Variants in ADIPOR2 observed in about 807,000 individuals in gnomAD.
ADIPOR2 encodes the protein adiponectin receptor protein 2.
A neutral mutation model predicts 40.9 loss-of-function variants in ADIPOR2; 18 were observed. The ratio of observed to expected loss-of-function variants is 0.44; its 90% CI spans 0.30 to 0.65. The LOEUF is 0.65. Among genes scored for constraint, ADIPOR2 ranks in the 30% least tolerant of loss-of-function variants. ADIPOR2 has a pLI of 0.09. For synonymous variants in ADIPOR2, 165 were observed against 166.4 expected (o/e 0.99, Z 0.06); for missense variants, 283 against 479.2 (o/e 0.59, Z 3.82).
intron 1 of ADIPOR2, among the ~76,000 whole-genome samples, chr12:1,726,376 T>G (rs2094708023): frequency 6.6e-6 from 1 of 152,262 alleles, no homozygotes; most frequent in South Asian, 2.1e-4. Flanking sequence ...TTTTGTATTT[T>G]TAGTAGAGAC....
intron 1 of ADIPOR2, among the ~76,000 whole-genome samples, chr12:1,754,052 A>G (rs1195262780): frequency 6.6e-6 from 1 of 152,224 alleles, no homozygotes; most frequent in Non-Finnish European, 1.5e-5. Flanking sequence ...AAGTGGGAAC[A>G]TATTATTCAT....
At chr12:1,748,329 A>G (rs1246769926) in intron 1 of ADIPOR2, among the ~76,000 whole-genome samples, 13 of 151,910 alleles carry the variant, frequency 8.6e-5, no homozygotes, top group Non-Finnish European at 1.8e-4. Flanking sequence ...GCTCACTGCA[A>G]ACTCCGCCTC....
chr12:1,692,679 T>C (rs981978627), intron 1 of ADIPOR2, among the ~76,000 whole-genome samples: 1 of 152,154 alleles, frequency 6.6e-6, no homozygotes, highest in African/African-American at 2.4e-5. Context: ...CTTGTATGAA[T>C]TTATAAATAA....
chr12:1,728,440 C>G (rs903603470), intron 1 of ADIPOR2, among the ~76,000 whole-genome samples: 1 of 150,864 alleles, frequency 6.6e-6, no homozygotes, highest in Non-Finnish European at 1.5e-5. Context: ...AATGTTAACA[C>G]GGCTGGGCGC....
At chr12:1,719,849 A>AT (rs1565636473) in intron 1 of ADIPOR2, among the ~76,000 whole-genome samples, 28 of 151,568 alleles carry the variant, frequency 1.8e-4, no homozygotes, top group South Asian at 4.2e-4. Context: ...TAATTGTTAT[A>AT]GTTTTTTAGC....
rs1284941643 is a variant in ADIPOR2, at chr12:1,714,266, A to T, written c.-87+23075A>T. Among the ~76,000 whole-genome samples the T allele has an allele frequency of 2.0e-5, 3 of 152,072 alleles. No individual in the cohort carries two copies. The East Asian group carries it at 5.8e-4, about 29-fold the overall frequency. The stretch of plus-strand genomic sequence containing the variant: ...GTCTGAGGGCCATGACTAAGGCTGT[A>T]GCCTTTCTCTTATCTCACTTTTCCT... On this transcript the variant is annotated intron_variant, in intron 1 of 7. Coordinates refer to ENST00000357103, the MANE Select transcript of ADIPOR2 (RefSeq NM_024551.3).
chr12:1,714,320 G>T (rs1477450333), intron 1 of ADIPOR2, among the ~76,000 whole-genome samples: 1 of 151,982 alleles, frequency 6.6e-6, no homozygotes. Context: ...GATCCCTACT[G>T]TAGAACACGG....
chr12:1,767,983 T>C (rs1862419300), intron 2 of ADIPOR2, among the ~76,000 whole-genome samples: 1 of 152,236 alleles, frequency 6.6e-6, no homozygotes, highest in African/African-American at 2.4e-5. Flanking sequence ...TTTGCATTCT[T>C]ACCTTCCTGG....
At position 1,786,572 on chromosome 12, in the gene ADIPOR2, T is replaced by A. The variant is rs1210484484; in HGVS notation, c.*500T>A. On this transcript the variant is annotated 3_prime_UTR_variant, in exon 8 of 8. Coordinates refer to ENST00000357103, the MANE Select transcript of ADIPOR2 (RefSeq NM_024551.3). ...TAAATAAGATTTCTAACTGTTTAAA[T>A]AAGACTTTATATAAATGTTTAAAAC... is the stretch of plus-strand genomic sequence containing the variant. The A allele has an allele frequency of 1.3e-5, 2 of 153,740 alleles. No homozygotes were observed. The highest frequency in any genetic ancestry group is 2.9e-5 in the Non-Finnish European group (2 of 68,804). 9.5% of individuals were successfully genotyped at this position (153,740 alleles called of 1,614,324 possible).
At chr12:1,764,277 C>CT (rs1862328803) in intron 2 of ADIPOR2, among the ~76,000 whole-genome samples, 1 of 152,042 alleles carries the variant, frequency 6.6e-6, no homozygotes, top group Admixed American at 6.5e-5. Context: ...TCATAGTTTA[C>CT]TTTTTTCATA....
chr12:1,765,553 TAAA>T (rs1336521301), intron 2 of ADIPOR2, among the ~76,000 whole-genome samples: 4 of 152,216 alleles, frequency 2.6e-5, no homozygotes, highest in African/African-American at 9.6e-5. Context: ...TAGTGTATAA[TAAA>T]TAATAATTGT....
In ADIPOR2 at chr12:1,754,326, G is replaced by A; in HGVS notation, c.-18G>A. 3 of 1,569,468 alleles carry A rather than the reference G, an allele frequency of 1.9e-6. No individual in the cohort carries two copies. Among genetic ancestry groups the A allele is most frequent in the Non-Finnish European group, 2.6e-6 (3 of 1,159,176 alleles). On this transcript the variant is annotated 5_prime_UTR_variant, in exon 2 of 8. Transcript: ENST00000357103. ...GACAGAAAGACAGATCTATTTGTAAGAAAGGCTTGGGTATCCCATGAACGA... is the reference window on the plus strand; with the variant it reads ...GACAGAAAGACAGATCTATTTGTAAAAAAGGCTTGGGTATCCCATGAACGA...
intron 1 of ADIPOR2, among the ~76,000 whole-genome samples, chr12:1,717,419 C>T (rs562638340): frequency 6.6e-6 from 1 of 152,242 alleles, no homozygotes; most frequent in African/African-American, 2.4e-5. Context: ...TAAAATTTCA[C>T]TGAGCCACCG....
intron 1 of ADIPOR2, among the ~76,000 whole-genome samples, chr12:1,736,587 A>G (rs2094731262): frequency 6.6e-6 from 1 of 152,166 alleles, no homozygotes; most frequent in Non-Finnish European, 1.5e-5. Context: ...AATTTTTTGA[A>G]GGGTTTTTTT....
chr12:1,694,748 TTTGTGTGCATATACAAGTAA>T (rs2154441091), intron 1 of ADIPOR2, among the ~76,000 whole-genome samples: 1 of 152,350 alleles, frequency 6.6e-6, no homozygotes, highest in Non-Finnish European at 1.5e-5. Context: ...TTCACCTCTC[TTTGTGTGCATATACAAGTAA>T]TTATTTGCAG....
chr12:1,710,682 A>G (rs1328683750), intron 1 of ADIPOR2, among the ~76,000 whole-genome samples: 1 of 152,004 alleles, frequency 6.6e-6, no homozygotes, highest in African/African-American at 2.4e-5. Context: ...GGGCTGAGCC[A>G]AGGGTTGACA....
chr12:1,722,307 T>G (rs1387548302), intron 1 of ADIPOR2, among the ~76,000 whole-genome samples: 3 of 152,206 alleles, frequency 2.0e-5, no homozygotes, highest in East Asian at 1.9e-4. Flanking sequence ...CTGAAATGGA[T>G]AAGACTGGAG....
At chr12:1,783,729 G>A (rs1862772092) in intron 6 of ADIPOR2, 151 bp from the exon 7 acceptor site, 1 of 638,472 alleles carries the variant, frequency 1.6e-6, no homozygotes, top group African/African-American at 1.9e-5. Context: ...AGAGTTTGAA[G>A]AACCTTCTTT....
chr12:1,706,258 G>A (rs2094662302), intron 1 of ADIPOR2, among the ~76,000 whole-genome samples: 1 of 152,174 alleles, frequency 6.6e-6, no homozygotes, highest in African/African-American at 2.4e-5. Flanking sequence ...TAACAGCAGA[G>A]TTTTAAAGCT....
Sources: allele counts gnomAD v4.1 joint callset (sites outside exome capture counted in the v4.1 genomes callset), GRCh38; gene constraint gnomAD v4.1.1; transcripts MANE v1.5; gene names NCBI Gene and HGNC (gene_info 2026-07-23, HGNC 2026-07-21).